Variants in GAS7 observed in about 807,000 individuals in gnomAD.
GAS7 encodes the protein growth arrest specific 7.
In GAS7, 28 loss-of-function variants were observed where a neutral mutation model predicts 71.1. That is an observed-to-expected ratio of 0.39 (90% confidence interval 0.29 to 0.54). The LOEUF (loss-of-function observed/expected upper bound fraction) is 0.54, where lower values mean the gene tolerates loss of function less well. Ranked by LOEUF, GAS7 falls within the 20% of genes least tolerant of loss-of-function variation. The pLI is 0.62. For missense variants in GAS7, 436 were observed against 627.8 expected, an observed-to-expected ratio of 0.69 and a Z score of 3.27; for synonymous variants, 258 against 245.8, an observed-to-expected ratio of 1.05 and a Z score of -0.46.
intron 4 of GAS7, among the ~76,000 whole-genome samples, chr17:9,962,945 G>A (rs1007322457): frequency 1.3e-5 from 2 of 150,034 alleles, no homozygotes; most frequent in African/African-American, 4.9e-5. Flanking sequence ...TCCAGAACCT[G>A]AACCTACGCA....
chr17:10,099,588 T>A (rs948439682), intron 1 of GAS7, among the ~76,000 whole-genome samples: 2 of 151,550 alleles, frequency 1.3e-5, no homozygotes, highest in African/African-American at 4.9e-5. Context: ...GGCGGGGGAG[T>A]GGAGACATTC....
intron 1 of GAS7, among the ~76,000 whole-genome samples, chr17:10,150,415 TACACACACACACACAC>T (rs3051267): frequency 4.8e-5 from 7 of 145,904 alleles, no homozygotes; most frequent in African/African-American, 7.7e-5. Context: ...ACTGGTTAAG[TACACACACACACACAC>T]ACACACACAC....
At chr17:9,952,708 A>G (rs376942202) in intron 5 of GAS7, among the ~76,000 whole-genome samples, 68 of 152,326 alleles carry the variant, frequency 4.5e-4, no homozygotes, top group African/African-American at 1.5e-3. Context: ...ACTTTTCAAA[A>G]GAAGACATAT....
chr17:10,117,549 T>G (rs553531136), intron 1 of GAS7, among the ~76,000 whole-genome samples: 2 of 151,738 alleles, frequency 1.3e-5, no homozygotes, highest in South Asian at 2.1e-4. Flanking sequence ...GACACAGGAG[T>G]GAGACCAACG....
intron 4 of GAS7, among the ~76,000 whole-genome samples, chr17:9,968,169 T>A (rs1405166833): frequency 6.6e-6 from 1 of 152,184 alleles, no homozygotes; most frequent in Admixed American, 6.5e-5. Context: ...TCAAACAGGA[T>A]AACAGAATCT....
At chr17:10,195,845 A>G (rs568121236) in intron 1 of GAS7, among the ~76,000 whole-genome samples, 2 of 152,036 alleles carry the variant, frequency 1.3e-5, no homozygotes, top group Non-Finnish European at 2.9e-5. Flanking sequence ...CAACTTGCTC[A>G]TGTAGGAGGT....
chr17:10,116,767 AG>A (rs1479859027), intron 1 of GAS7, among the ~76,000 whole-genome samples: 1 of 152,158 alleles, frequency 6.6e-6, no homozygotes, highest in Non-Finnish European at 1.5e-5. Context: ...GGGATACATC[AG>A]TTAACAAGAC....
intron 1 of GAS7, among the ~76,000 whole-genome samples, chr17:10,091,967 TAA>T (rs11429483): frequency 6.8e-6 from 1 of 147,666 alleles, no homozygotes. Flanking sequence ...TGTCTCAATT[TAA>T]AAAAAAAAAA....
chr17:9,958,049 A>G (rs2152111385), intron 5 of GAS7, among the ~76,000 whole-genome samples: 1 of 152,262 alleles, frequency 6.6e-6, no homozygotes, highest in East Asian at 1.9e-4. Flanking sequence ...AGTGCTTTCC[A>G]TGGATGGACC....
intron 4 of GAS7, among the ~76,000 whole-genome samples, chr17:9,964,309 C>G (rs1011763121): frequency 8.5e-5 from 13 of 152,056 alleles, no homozygotes; most frequent in Non-Finnish European, 1.8e-4. Context: ...CAGCCCATTT[C>G]CTCCCCCCCT....
intron 4 of GAS7, among the ~76,000 whole-genome samples, chr17:9,960,796 G>A (rs2069458793): frequency 6.6e-6 from 1 of 152,342 alleles, no homozygotes; most frequent in African/African-American, 2.4e-5. Flanking sequence ...GTCAACTCAG[G>A]AAAACTGATA....
intron 7 of GAS7, among the ~76,000 whole-genome samples, chr17:9,942,160 A>G (rs1340173301): frequency 6.6e-6 from 1 of 152,110 alleles, no homozygotes; most frequent in Non-Finnish European, 1.5e-5. Flanking sequence ...AGGCTGAGAC[A>G]GGAGAATCGC....
intron 2 of GAS7, among the ~76,000 whole-genome samples, chr17:10,017,294 G>A (rs2072073631): frequency 1.3e-5 from 2 of 151,768 alleles, no homozygotes; most frequent in Admixed American, 6.6e-5. Flanking sequence ...ATATGGCCCA[G>A]TGAACTTGCC....
intron 1 of GAS7, among the ~76,000 whole-genome samples, chr17:10,050,428 G>C (rs1189884586): frequency 6.6e-6 from 1 of 152,118 alleles, no homozygotes; most frequent in Non-Finnish European, 1.5e-5. Flanking sequence ...CTGAGGCCTG[G>C]AGACAGAGCT....
At chr17:9,956,754 T>A (rs1339315081) in intron 5 of GAS7, among the ~76,000 whole-genome samples, 1 of 152,186 alleles carries the variant, frequency 6.6e-6, no homozygotes, top group Non-Finnish European at 1.5e-5. Context: ...TGCCCAGGCC[T>A]GGAAATTTCT....
chr17:9,942,660 T>C (rs557069583), intron 7 of GAS7, among the ~76,000 whole-genome samples: 1 of 152,122 alleles, frequency 6.6e-6, no homozygotes, highest in Non-Finnish European at 1.5e-5. Context: ...CTGGTTACGG[T>C]AAAGGGCTGT....
intron 1 of GAS7, among the ~76,000 whole-genome samples, chr17:10,035,472 C>T (rs1293967632): frequency 1.3e-5 from 2 of 152,174 alleles, no homozygotes; most frequent in African/African-American, 2.4e-5. Context: ...TCAACTAACC[C>T]GTTAGAGATG....
rs557874139 is a variant in GAS7 at position 10,074,288 on chromosome 17, C to T, written c.184-54391G>A. 5.3e-5 allele frequency among the ~76,000 whole-genome samples: 8 copies of T among 152,194 alleles called. No individual in the cohort carries two copies. The East Asian group carries it at 1.5e-3, about 29-fold the overall frequency. On this transcript the variant is annotated intron_variant, in intron 1 of 13. Coordinates refer to ENST00000432992, the MANE Select transcript of GAS7 (RefSeq NM_201433.2). ...TGGATTGATTGCATATTCTTTATTC[C>T]CCCTCCCTCCACAAACTTTGCATTT... is the stretch of plus-strand genomic sequence containing the variant.
intron 1 of GAS7, among the ~76,000 whole-genome samples, chr17:10,024,046 C>T (rs1249180098): frequency 6.6e-6 from 1 of 152,138 alleles, no homozygotes; most frequent in African/African-American, 2.4e-5. Flanking sequence ...ATCACTTGAA[C>T]CTGGGAGGCG....
Sources: gnomAD v4.1 joint callset for allele counts (sites outside exome capture counted in the v4.1 genomes callset) on GRCh38, gnomAD v4.1.1 for gene constraint, MANE v1.5 for transcripts, NCBI Gene and HGNC (gene_info 2026-07-23, HGNC 2026-07-21) for gene names.